The following RCOR1 variants were observed in gnomAD, a reference collection of about 807,000 sequenced individuals.
RCOR1 encodes REST corepressor.
A neutral mutation model predicts 64.0 loss-of-function variants in RCOR1; 12 were observed. That is an observed-to-expected ratio of 0.19 (90% CI 0.12 to 0.30). The LOEUF (loss-of-function observed/expected upper bound fraction) is 0.30. Among genes scored for constraint, RCOR1 ranks in the 10% least tolerant of loss-of-function variants. The probability of loss-of-function intolerance (pLI) is 1.00; values close to 1 mark genes in which losing one functional copy is unlikely to be tolerated. For missense variants in RCOR1, 502 were observed against 621.2 expected, an observed-to-expected ratio of 0.81 and a Z score of 2.04; for synonymous variants, 279 against 227.2, an observed-to-expected ratio of 1.23 and a Z score of -2.05.
chr14:102,652,337 C>T (rs1346213458), intron 2 of RCOR1, among the ~76,000 whole-genome samples: 3 of 152,140 alleles, frequency 2.0e-5, no homozygotes, highest in South Asian at 2.1e-4. Flanking sequence ...ATGCTTGCTG[C>T]GTTAAAGAAT....
intron 2 of RCOR1, among the ~76,000 whole-genome samples, chr14:102,618,229 G>C (rs185876929): frequency 6.6e-6 from 1 of 151,782 alleles, no homozygotes; most frequent in African/African-American, 2.4e-5. Flanking sequence ...CCCCTGCCTC[G>C]GCCTCCCAAA....
chr14:102,602,441 T>C (rs1401266244), intron 2 of RCOR1, among the ~76,000 whole-genome samples: 1 of 145,064 alleles, frequency 6.9e-6, no homozygotes, highest in African/African-American at 2.6e-5. Flanking sequence ...CTTGTTTTGT[T>C]CCCCAGGCTA....
chr14:102,657,131 CTA>C (rs1894743404), intron 2 of RCOR1: 1 of 969,792 alleles, frequency 1.0e-6, no homozygotes, highest in African/African-American at 2.0e-5. Flanking sequence ...TTTAGGTTGA[CTA>C]TGTAAACCCA....
At chr14:102,696,795 A>G (rs1895659337) in intron 3 of RCOR1, among the ~76,000 whole-genome samples, 1 of 141,594 alleles carries the variant, frequency 7.1e-6, no homozygotes, top group Non-Finnish European at 1.5e-5. Context: ...CTGACTTTTA[A>G]GCATCTGCTT....
intron 2 of RCOR1, among the ~76,000 whole-genome samples, chr14:102,662,947 T>C (rs1347285872): frequency 1.3e-5 from 2 of 152,166 alleles, no homozygotes; most frequent in South Asian, 4.1e-4. Flanking sequence ...CCTGAACTTA[T>C]TTACAGTACA....
intron 2 of RCOR1, among the ~76,000 whole-genome samples, chr14:102,673,406 G>A (rs576146135): frequency 6.7e-6 from 1 of 150,102 alleles, no homozygotes; most frequent in African/African-American, 2.5e-5. Flanking sequence ...GCAGGATCTC[G>A]GCTCACTGCA....
rs950316790 is a variant in RCOR1 at position 102,592,671 on chromosome 14, C to A, written c.-216C>A. On this transcript the variant is annotated 5_prime_UTR_variant, in exon 1 of 12. Transcript: ENST00000262241. ...GTTGGTGCCAGTGAAGTGAGGGCGG[C>A]GATGAGAGCGAAAGTTGCGCTCGGC... 4 of 1,227,858 alleles carry A rather than the reference C, an allele frequency of 3.3e-6. No individual in the cohort carries two copies. The highest frequency in any genetic ancestry group is 4.1e-6 in the Non-Finnish European group (4 of 985,530). 76.1% of individuals were successfully genotyped at this position (1,227,858 alleles called of 1,614,324 possible).
At chr14:102,696,707 C>T (rs1447452261) in intron 3 of RCOR1, among the ~76,000 whole-genome samples, 1 of 151,728 alleles carries the variant, frequency 6.6e-6, no homozygotes, top group African/African-American at 2.4e-5. Context: ...ACGGATCCCT[C>T]TTTTCTTTAA....
chr14:102,726,330 CAA>C (rs768839492), intron 11 of RCOR1, 136 bp from the exon 12 acceptor site: 11,880 of 593,520 alleles, frequency 0.02, no homozygotes, highest in East Asian at 0.026. Context: ...GTCTCCCCTC[CAA>C]AAAAAAAAAA....
intron 2 of RCOR1, among the ~76,000 whole-genome samples, chr14:102,608,246 C>T (rs1893556301): frequency 1.3e-5 from 2 of 152,148 alleles, no homozygotes. Flanking sequence ...ACCAGGCAAC[C>T]ACTAACCTGC....
intron 3 of RCOR1, among the ~76,000 whole-genome samples, chr14:102,695,089 G>A (rs1221956895): frequency 6.6e-6 from 1 of 152,194 alleles, no homozygotes; most frequent in Non-Finnish European, 1.5e-5. Context: ...GGAAGGGTGA[G>A]TTAAGGTTAC....
At chr14:102,696,065 G>A (rs1022719136) in intron 3 of RCOR1, among the ~76,000 whole-genome samples, 7 of 152,070 alleles carry the variant, frequency 4.6e-5, no homozygotes, top group South Asian at 2.1e-4. Flanking sequence ...TATAGATGCC[G>A]AACCTTTAGG....
At chr14:102,631,114 T>C (rs922017012) in intron 2 of RCOR1, among the ~76,000 whole-genome samples, 1 of 152,120 alleles carries the variant, frequency 6.6e-6, no homozygotes, top group Non-Finnish European at 1.5e-5. Flanking sequence ...ATTTCCCCGA[T>C]GACTTTGTGT....
At chr14:102,617,972 C>CT (rs71305077) in intron 2 of RCOR1, among the ~76,000 whole-genome samples, 7,590 of 122,530 alleles carry the variant, frequency 0.062, 295 homozygotes, top group African/African-American at 0.07. Flanking sequence ...TTTTTTTTTT[C>CT]TTTTTTTTTT....
At chr14:102,630,119 G>A (rs1012920992) in intron 2 of RCOR1, 3 of 409,958 alleles carry the variant, frequency 7.3e-6, no homozygotes, top group African/African-American at 2.1e-5. Flanking sequence ...CCTAATGGAA[G>A]GTGTTTGTGC....
intron 2 of RCOR1, among the ~76,000 whole-genome samples, chr14:102,594,902 G>A (rs1893211561): frequency 6.6e-6 from 1 of 152,098 alleles, no homozygotes; most frequent in South Asian, 2.1e-4. Flanking sequence ...TTTAAAAATC[G>A]ACTTCCACAA....
At chr14:102,656,124 C>T (rs1333640671) in intron 2 of RCOR1, 1 of 983,450 alleles carries the variant, frequency 1.0e-6, no homozygotes, top group Non-Finnish European at 1.2e-6. Flanking sequence ...AATCACTTTG[C>T]TGAGATTTTT....
intron 2 of RCOR1, among the ~76,000 whole-genome samples, chr14:102,663,762 G>A (rs900463771): frequency 6.6e-6 from 1 of 152,122 alleles, no homozygotes; most frequent in African/African-American, 2.4e-5. Context: ...GAAATTAATT[G>A]GTCTCTGAAG....
In RCOR1 at chr14:102,714,472, C is replaced by G. The variant is rs1259357785; in HGVS notation, c.908C>G (p.Thr303Arg). 1.2e-6 allele frequency: 2 copies of G among 1,613,340 alleles called. No homozygotes were observed. Among genetic ancestry groups the G allele is most frequent in the South Asian group, 2.2e-5 (2 of 90,986 alleles). Residue 303 changes from threonine (T) to arginine (R), a missense_variant, in exon 8 of 12, where the codon ACA becomes AGA. Thr to Arg is a moderately conservative substitution (Grantham distance 71). Coordinates refer to ENST00000262241, the MANE Select transcript of RCOR1 (RefSeq NM_015156.4). ...VPQVKKEKHSTQAKNRAKRKP... is the reference protein window; with the variant it reads ...VPQVKKEKHSRQAKNRAKRKP... ...CAGGTCAAAAAAGAAAAACATAGCA[C>G]ACAAGCTAAAAATAGAGCAAAAAGG...
Sources: gnomAD v4.1 joint callset for allele counts (sites outside exome capture counted in the v4.1 genomes callset) on GRCh38, gnomAD v4.1.1 for gene constraint, MANE v1.5 for transcripts, NCBI Gene and HGNC (gene_info 2026-07-23, HGNC 2026-07-21) for gene names.